MAP2K4: variants seen among roughly 807,000 people sequenced by gnomAD.
MAP2K4 encodes the protein dual specificity mitogen-activated protein kinase kinase 4.
In MAP2K4, 4 loss-of-function variants were observed where a neutral mutation model predicts 48.5. The observed-to-expected ratio is 0.08, with a 90% CI of 0.04 to 0.19. MAP2K4 has a LOEUF of 0.19. Ranked by LOEUF, MAP2K4 falls within the 10% of genes least tolerant of loss-of-function variation. The pLI, the probability that MAP2K4 is intolerant of heterozygous loss-of-function variation, is 1.00. For synonymous variants in MAP2K4, 166 were observed against 173.1 expected, an observed-to-expected ratio of 0.96 and a Z score of 0.32; for missense variants, 258 against 493.3, an observed-to-expected ratio of 0.52 and a Z score of 4.52.
chr17:12,043,890 C>T lies in MAP2K4; in HGVS notation c.116-10999C>T, dbSNP rs954541464. The stretch of plus-strand genomic sequence containing the variant: ...TTGGCCATTGGACTCCGTCTCTAGT[C>T]CTTTTCACCTTCCTGGAGGTGTGTG... On this transcript the variant is annotated intron_variant, in intron 1 of 10. Transcript: ENST00000353533. Among the ~76,000 whole-genome samples, 4 of 152,040 alleles carry T rather than the reference C, an allele frequency of 2.6e-5. No individual in the cohort carries two copies. The South Asian group carries it at 8.3e-4, about 32-fold the overall frequency.
intron 2 of MAP2K4, among the ~76,000 whole-genome samples, chr17:12,066,121 ATTGT>A (rs1970609040): frequency 6.7e-6 from 1 of 148,910 alleles, no homozygotes; most frequent in Non-Finnish European, 1.5e-5. Context: ...AACATTTACT[ATTGT>A]TTCTTTCTTT....
chr17:12,121,875 C>T (rs1445485313), intron 7 of MAP2K4, among the ~76,000 whole-genome samples: 2 of 152,042 alleles, frequency 1.3e-5, no homozygotes, highest in Admixed American at 6.5e-5. Flanking sequence ...GCAGTTAAAA[C>T]AGTTGCAGAA....
intron 2 of MAP2K4, among the ~76,000 whole-genome samples, chr17:12,075,262 G>A (rs941503244): frequency 1.3e-5 from 2 of 152,218 alleles, no homozygotes; most frequent in Non-Finnish European, 2.9e-5. Flanking sequence ...AAAGGGGGCA[G>A]ATGAGGAAAA....
At chr17:12,028,228 T>TG (rs1969322462) in intron 1 of MAP2K4, among the ~76,000 whole-genome samples, 1 of 152,108 alleles carries the variant, frequency 6.6e-6, no homozygotes, top group Admixed American at 6.5e-5. Flanking sequence ...ATAAATAAGG[T>TG]GGTCATTGCC....
chr17:12,081,037 G>A lies in MAP2K4; in HGVS notation c.219-319G>A, dbSNP rs768419958. ...TTTGGATAAACCATCATCCAAGTTT[G>A]AATAAGATCTTATATTTAGAAATGA... On this transcript the variant is annotated intron_variant, in intron 2 of 10. Coordinates refer to ENST00000353533, the MANE Select transcript of MAP2K4 (RefSeq NM_003010.4). The surrounding 1 kb of genome is among the most constrained non-coding windows in gnomAD (Gnocchi z 4.2). Among the ~76,000 whole-genome samples, 2 of 152,138 alleles carry A rather than the reference G, an allele frequency of 1.3e-5. No homozygotes were observed. The highest frequency in any genetic ancestry group is 2.9e-5 in the Non-Finnish European group (2 of 68,026).
At chr17:12,105,946 C>T (rs1346863202) in intron 4 of MAP2K4, among the ~76,000 whole-genome samples, 2 of 152,054 alleles carry the variant, frequency 1.3e-5, no homozygotes, top group Non-Finnish European at 2.9e-5. Context: ...ACCTGCCAGG[C>T]ACTTTAGTTT....
intron 1 of MAP2K4, among the ~76,000 whole-genome samples, chr17:12,037,440 A>C (rs1969635744): frequency 6.6e-6 from 1 of 152,200 alleles, no homozygotes; most frequent in Admixed American, 6.5e-5. Context: ...GTTGTTCTGC[A>C]TTTAAAACTA....
intron 2 of MAP2K4, among the ~76,000 whole-genome samples, chr17:12,065,196 C>A (rs62060994): frequency 0.17 from 25,948 of 150,812 alleles, 2,597 homozygotes; most frequent in South Asian, 0.3. Flanking sequence ...GCATCTCACT[C>A]TATGTAAATG....
chr17:12,069,820 C>T (rs1430375150), intron 2 of MAP2K4: 4 of 603,822 alleles, frequency 6.6e-6, no homozygotes, highest in Non-Finnish European at 1.0e-5. Context: ...ACAGTACGGA[C>T]ACAGAAGAAC....
intron 5 of MAP2K4, among the ~76,000 whole-genome samples, chr17:12,108,695 G>A (rs887584550): frequency 6.6e-6 from 1 of 151,930 alleles, no homozygotes; most frequent in Non-Finnish European, 1.5e-5. Context: ...ACAGGAAATT[G>A]TAAAATAGAT....
intron 10 of MAP2K4, among the ~76,000 whole-genome samples, chr17:12,140,562 A>G (rs1429141289): frequency 6.6e-6 from 1 of 152,170 alleles, no homozygotes; most frequent in Non-Finnish European, 1.5e-5. Context: ...AGTGAAGCAG[A>G]TACTGGGACC....
intron 7 of MAP2K4, among the ~76,000 whole-genome samples, chr17:12,116,258 T>G (rs1475272082): frequency 6.6e-6 from 1 of 152,126 alleles, no homozygotes; most frequent in Non-Finnish European, 1.5e-5. Flanking sequence ...GTATAAAAAA[T>G]AAAGAATGGT....
At chr17:12,060,256 T>C (rs1970406183) in intron 2 of MAP2K4, among the ~76,000 whole-genome samples, 3 of 152,188 alleles carry the variant, frequency 2.0e-5, no homozygotes, top group Admixed American at 2.0e-4. Flanking sequence ...TGTCGTTATC[T>C]CTGTGTCCTT....
chr17:12,133,070 TTTGTTGTTG>T (rs539104400), intron 9 of MAP2K4, among the ~76,000 whole-genome samples: 7 of 151,752 alleles, frequency 4.6e-5, no homozygotes, highest in African/African-American at 4.8e-5. Context: ...CTTCTTGGGT[TTTGTTGTTG>T]TTGTTGTTGT....
chr17:12,088,548 C>G (rs4989898), intron 3 of MAP2K4, among the ~76,000 whole-genome samples: 21,925 of 129,848 alleles, frequency 0.17, 2,257 homozygotes, highest in South Asian at 0.3. Context: ...TAAATTATAT[C>G]TAATATATAA....
At chr17:12,043,709 GTAT>G (rs1969869067) in intron 1 of MAP2K4, among the ~76,000 whole-genome samples, 1 of 152,150 alleles carries the variant, frequency 6.6e-6, no homozygotes, top group Admixed American at 6.5e-5. Context: ...ATAGGGCAAG[GTAT>G]TGGGAGTAAG....
At chr17:12,115,891 T>C in intron 7 of MAP2K4, 1 of 615,338 alleles carries the variant, frequency 1.6e-6, no homozygotes, top group Non-Finnish European at 3.1e-6. Context: ...GTATTGGACC[T>C]CCTAGTCCAG....
chr17:12,132,331 C>CT (rs1555552914), intron 9 of MAP2K4, among the ~76,000 whole-genome samples: 1 of 152,172 alleles, frequency 6.6e-6, no homozygotes, highest in Non-Finnish European at 1.5e-5. Flanking sequence ...ATTAGAAACT[C>CT]TCTCCACAGT....
rs1371909082 is a variant in MAP2K4 at position 12,107,874 on chromosome 17, A to G, written c.598A>G (p.Ile200Val). Residue 200 changes from isoleucine (I) to valine (V), a missense_variant, in exon 5 of 11, where the codon ATT becomes GTT. Physicochemically the swap from Ile to Val is conservative, Grantham distance 29 (BLOSUM62 3). Transcript: ENST00000353533. ...KYVYSVLDDV[I>V]PEEILGKITL... ...TGTATATAGTGTATTAGATGATGTTATTCCAGAAGAAATTTTAGGCAAAAT... is the reference window on the plus strand; with the variant it reads ...TGTATATAGTGTATTAGATGATGTTGTTCCAGAAGAAATTTTAGGCAAAAT... The G allele has an allele frequency of 2.5e-6, 4 of 1,600,566 alleles. No individual in the cohort carries two copies. The highest frequency in any genetic ancestry group is 3.4e-6 in the Non-Finnish European group (4 of 1,175,008).
Sources: gnomAD v4.1 joint callset for allele counts (sites outside exome capture counted in the v4.1 genomes callset) on GRCh38, gnomAD v4.1.1 for gene constraint, Gnocchi (gnomAD v3.1) non-coding constraint, MANE v1.5 for transcripts, NCBI Gene and HGNC (gene_info 2026-07-23, HGNC 2026-07-21) for gene names.